The following FBXW10B variants were observed in gnomAD, a reference collection of about 807,000 sequenced individuals.
The protein encoded by FBXW10B is F-box and WD repeat domain containing 10B, also known as F-box and WD repeat domain containing protein 10B.
chr17:15,612,460 G>A, the FBXW10B span, among the ~76,000 whole-genome samples: 1 of 151,946 alleles, frequency 6.6e-6, no homozygotes, highest in Non-Finnish European at 1.5e-5. Flanking sequence ...CTTGCAGTGA[G>A]CCAAGACTGT....
chr17:15,578,603 G>A, the FBXW10B span, among the ~76,000 whole-genome samples: 1 of 152,098 alleles, frequency 6.6e-6, no homozygotes, highest in Admixed American at 6.5e-5. Context: ...CAGGCATTGG[G>A]TGTTATGGGA....
chr17:15,601,141 A>G, the FBXW10B span, among the ~76,000 whole-genome samples: 5 of 148,388 alleles, frequency 3.4e-5, no homozygotes, highest in East Asian at 2.0e-4. Flanking sequence ...CAGGTGCAGT[A>G]GCTCACGCCT....
At chr17:15,570,737 G>T in the FBXW10B span, among the ~76,000 whole-genome samples, 2 of 152,210 alleles carry the variant, frequency 1.3e-5, no homozygotes, top group Non-Finnish European at 2.9e-5. Context: ...TCTAGCAAGG[G>T]TATAGAATAC....
At chr17:15,608,746 G>A in the FBXW10B span, among the ~76,000 whole-genome samples, 1 of 152,150 alleles carries the variant, frequency 6.6e-6, no homozygotes, top group Non-Finnish European at 1.5e-5. Flanking sequence ...GAGCCACCAC[G>A]ACCAGCCTGC....
At chr17:15,593,648 G>A in the FBXW10B span, 31 of 389,220 alleles carry the variant, frequency 8.0e-5, no homozygotes, top group Non-Finnish European at 2.7e-5. Context: ...TTTTTTTTGA[G>A]ATGGAGTTTC....
chr17:15,607,538 G>A, the FBXW10B span: 52 of 1,593,852 alleles, frequency 3.3e-5, no homozygotes, highest in South Asian at 1.0e-4. Context: ...TAACTCAAGC[G>A]TCCCTAGAGA....
At chr17:15,582,536 C>T in the FBXW10B span, among the ~76,000 whole-genome samples, 1 of 151,772 alleles carries the variant, frequency 6.6e-6, no homozygotes, top group Non-Finnish European at 1.5e-5. Context: ...CCTCTTTCTA[C>T]TTAACAGTTC....
chr17:15,602,069 A>G, the FBXW10B span, among the ~76,000 whole-genome samples: 175 of 151,378 alleles, frequency 1.2e-3, no homozygotes, highest in African/African-American at 3.2e-3. Context: ...CTGAGATCGC[A>G]CCACTGCACT....
At chr17:15,568,862 G>A in the FBXW10B span, 1 of 1,231,068 alleles carries the variant, frequency 8.1e-7, no homozygotes, top group Admixed American at 4.2e-5. Context: ...TCAACCCCCT[G>A]ATTTACCCTG....
the FBXW10B span, among the ~76,000 whole-genome samples, chr17:15,603,889 G>A: frequency 6.9e-6 from 1 of 145,310 alleles, no homozygotes; most frequent in Admixed American, 7.0e-5. Flanking sequence ...TGGCTAACAC[G>A]GGGAAACCCC....
chr17:15,617,082 C>A, the FBXW10B span, among the ~76,000 whole-genome samples: 1 of 152,068 alleles, frequency 6.6e-6, no homozygotes, highest in Non-Finnish European at 1.5e-5. Context: ...ACTTTGGTCT[C>A]CTTATGTAAA....
chr17:15,596,672 A>T, the FBXW10B span: 149 of 1,613,082 alleles, frequency 9.2e-5, no homozygotes, highest in Middle Eastern at 1.6e-4. Context: ...ACTGAAAAGG[A>T]GGGAGACAGA....
the FBXW10B span, among the ~76,000 whole-genome samples, chr17:15,584,147 A>G: frequency 6.6e-6 from 1 of 152,256 alleles, no homozygotes; most frequent in Non-Finnish European, 1.5e-5. Context: ...AAGTCTACCC[A>G]TAAGATATTT....
chr17:15,594,744 C>G, the FBXW10B span: 2 of 1,613,704 alleles, frequency 1.2e-6, no homozygotes, highest in South Asian at 2.2e-5. Flanking sequence ...TCACAGGCAC[C>G]TACTTGGGAT....
At chr17:15,601,404 G>A in the FBXW10B span, among the ~76,000 whole-genome samples, 1,223 of 106,520 alleles carry the variant, frequency 0.011, 25 homozygotes, top group African/African-American at 0.047. Flanking sequence ...GCAAGACTCC[G>A]TCTCAAAAAA....
the FBXW10B span, among the ~76,000 whole-genome samples, chr17:15,590,209 G>A: frequency 4.2e-4 from 64 of 152,100 alleles, no homozygotes; most frequent in South Asian, 6.0e-3. Flanking sequence ...TGGAGTCATT[G>A]TGAGGATGAA....
the FBXW10B span, among the ~76,000 whole-genome samples, chr17:15,610,123 A>T: frequency 6.6e-6 from 1 of 151,910 alleles, no homozygotes; most frequent in Admixed American, 6.6e-5. Flanking sequence ...CAGCCTCCCA[A>T]AGTGCTGGGA....
chr17:15,597,314 C>A, the FBXW10B span, among the ~76,000 whole-genome samples: 1 of 135,458 alleles, frequency 7.4e-6, no homozygotes, highest in South Asian at 2.4e-4. Flanking sequence ...GGGTGGGTGG[C>A]AGAACAGGGT....
chr17:15,619,384 C>G, the FBXW10B span: 6 of 1,613,872 alleles, frequency 3.7e-6, no homozygotes, highest in East Asian at 1.3e-4. Context: ...TGCAGAACCA[C>G]TCTTTGGTAG....
Sources: allele counts gnomAD v4.1 joint callset (sites outside exome capture counted in the v4.1 genomes callset), GRCh38; gene constraint gnomAD v4.1.1; transcripts MANE v1.5; gene names NCBI Gene and HGNC (gene_info 2026-07-23, HGNC 2026-07-21).